The following SPRY3 variants were observed in gnomAD, a reference collection of about 807,000 sequenced individuals.
The protein encoded by SPRY3 is protein sprouty homolog 3.
A neutral mutation model predicts 20.2 loss-of-function variants in SPRY3; 15 were observed. The ratio of observed to expected loss-of-function variants is 0.74; its 90% confidence interval spans 0.50 to 1.14. The LOEUF is 1.14. Among genes scored for constraint, SPRY3 ranks in the 50% most tolerant of loss-of-function variants. The probability of loss-of-function intolerance (pLI) is 0.00; values close to 1 mark genes in which losing one functional copy is unlikely to be tolerated. For synonymous variants in SPRY3, 143 were observed against 136.5 expected, an observed-to-expected ratio of 1.05 and a Z score of -0.33; for missense variants, 364 against 363.9, an observed-to-expected ratio of 1.00 and a Z score of 0.00.
chrX:155,721,320 G>C (rs1343649164), intron 2 of SPRY3, among the ~76,000 whole-genome samples: 1 of 152,026 alleles, frequency 6.6e-6, no homozygotes, highest in Admixed American at 6.6e-5. Context: ...GCCTGAAAAA[G>C]GCAAATCTAA....
chrX:155,628,147 A>T (rs1293025947), intron 1 of SPRY3, among the ~76,000 whole-genome samples: 1 of 112,098 alleles, frequency 8.9e-6, no homozygotes. Context: ...TAACAGAATG[A>T]TTTGTATTCC....
At chrX:155,769,653 C>T (rs2091369139) in intron 3 of SPRY3, among the ~76,000 whole-genome samples, 1 of 152,174 alleles carries the variant, frequency 6.6e-6, no homozygotes, top group Admixed American at 6.5e-5. Flanking sequence ...TCATTCATCA[C>T]TAAAAGACCT....
chrX:155,767,628 A>G (rs953502799), intron 2 of SPRY3, among the ~76,000 whole-genome samples: 17 of 136,000 alleles, frequency 1.3e-4, no homozygotes, highest in Admixed American at 9.7e-4. Context: ...GAAGGAAAAT[A>G]CTGGAGGGGG....
At chrX:155,692,011 T>A (rs1281409368) in intron 2 of SPRY3, among the ~76,000 whole-genome samples, 1 of 92,478 alleles carries the variant, frequency 1.1e-5, no homozygotes, top group Admixed American at 1.2e-4. Flanking sequence ...TTTTGTACCC[T>A]TTTTGTTAAG....
intron 2 of SPRY3, among the ~76,000 whole-genome samples, chrX:155,726,814 A>G (rs938034523): frequency 6.6e-6 from 1 of 152,106 alleles, no homozygotes; most frequent in Non-Finnish European, 1.5e-5. Context: ...CATTTAGCCC[A>G]TTTACATTTA....
At position 155,687,580 on chromosome X, in the gene SPRY3, T is replaced by C. The variant is rs1217096967; in HGVS notation, c.-282+30555T>C. 1.8e-5 allele frequency among the ~76,000 whole-genome samples: 2 copies of C among 112,541 alleles called. 1 individual carries two copies. The highest frequency in any genetic ancestry group is 3.8e-5 in the Non-Finnish European group (2 of 53,292). On this transcript the variant is annotated intron_variant, in intron 2 of 3. Coordinates refer to ENST00000675360, the Ensembl canonical transcript of SPRY3. ...ATGAGCTCTATCCATTTCTCAGTTA[T>C]GCTTTCCTCAGCATTATATCCATTT...
intron 3 of SPRY3, among the ~76,000 whole-genome samples, chrX:155,771,883 G>A (rs2091383820): frequency 6.6e-6 from 1 of 152,144 alleles, no homozygotes. Context: ...AGATGTAGAA[G>A]ATACGGATGA....
chrX:155,736,752 G>T (rs1389462990), intron 2 of SPRY3, among the ~76,000 whole-genome samples: 1 of 151,750 alleles, frequency 6.6e-6, no homozygotes, highest in Middle Eastern at 3.2e-3. Context: ...AATAATTTTG[G>T]AATATTCTCA....
chrX:155,679,329 G>A (rs1230692995), intron 2 of SPRY3, among the ~76,000 whole-genome samples: 2 of 111,348 alleles, frequency 1.8e-5, no homozygotes, highest in East Asian at 5.6e-4. Context: ...TAACAGAAAT[G>A]TATTGCTCAC....
chrX:155,720,358 G>A (rs777689274), intron 2 of SPRY3, among the ~76,000 whole-genome samples: 1 of 152,146 alleles, frequency 6.6e-6, no homozygotes, highest in Non-Finnish European at 1.5e-5. Context: ...CCTCCCTGGG[G>A]CCTGGGGGAT....
At chrX:155,643,138 A>G (rs1043335657) in intron 1 of SPRY3, among the ~76,000 whole-genome samples, 4 of 111,898 alleles carry the variant, frequency 3.6e-5, no homozygotes, top group African/African-American at 1.3e-4. Context: ...TATTTTCTTT[A>G]TATATCTGGG....
chrX:155,649,622 AAAT>A (rs782026755), intron 1 of SPRY3, among the ~76,000 whole-genome samples: 13 of 111,272 alleles, frequency 1.2e-4, no homozygotes, highest in Non-Finnish European at 3.8e-5. Flanking sequence ...ACATATCTCA[AAAT>A]AATAAGACCT....
intron 2 of SPRY3, chrX:155,767,703 AGAAGAG>A (rs2091344217): frequency 1.0e-5 from 1 of 98,830 alleles, no homozygotes; most frequent in Non-Finnish European, 1.9e-5. Context: ...AGGAGGAGAA[AGAAGAG>A]GAGGAGGAGA....
chrX:155,686,221 C>CAAGTACAGG (rs2068087462), intron 2 of SPRY3, among the ~76,000 whole-genome samples: 3 of 110,707 alleles, frequency 2.7e-5, no homozygotes, highest in African/African-American at 9.9e-5. Flanking sequence ...TTTCATAATA[C>CAAGTACAGG]TTTCTTTAAA....
intron 2 of SPRY3, among the ~76,000 whole-genome samples, chrX:155,764,568 G>C (rs2091317037): frequency 6.6e-6 from 1 of 152,154 alleles, no homozygotes; most frequent in African/African-American, 2.4e-5. Context: ...TTAGTGATCA[G>C]TATGCTAGGC....
chrX:155,775,097 G>T (rs887681582), exon 4 of SPRY3: 8 of 315,460 alleles, frequency 2.5e-5, no homozygotes, highest in Non-Finnish European at 4.9e-5. Flanking sequence ...GGCTCTGATC[G>T]TCACTCTGTT....
In SPRY3 at chrX:155,755,954, T is replaced by C. The variant is rs140949857; in HGVS notation, c.-281-12008T>C. Among the ~76,000 whole-genome samples, 11 of 152,090 alleles carry C rather than the reference T, an allele frequency of 7.2e-5. No individual in the cohort carries two copies. The East Asian group carries it at 1.9e-3, about 27-fold the overall frequency. On this transcript the variant is annotated intron_variant, in intron 2 of 3. Coordinates refer to ENST00000675360, the Ensembl canonical transcript of SPRY3. ...AGTAGGTGGCTGGGGAGAGAAAGTA[T>C]AACAAGAATAAAGTTCATGAAGGTA...
downstream of SPRY3, chrX:155,777,844 T>G (rs2091439053): frequency 6.0e-6 from 1 of 166,506 alleles, no homozygotes; most frequent in African/African-American, 2.4e-5. Flanking sequence ...CTAACTCTAC[T>G]GCCTTCCACA....
At chrX:155,721,611 T>C (rs2091058594) in intron 2 of SPRY3, among the ~76,000 whole-genome samples, 1 of 152,056 alleles carries the variant, frequency 6.6e-6, no homozygotes, top group South Asian at 2.1e-4. Flanking sequence ...AGCAGACTTT[T>C]CAGTGGAAAG....
Sources: allele counts gnomAD v4.1 joint callset (sites outside exome capture counted in the v4.1 genomes callset), GRCh38; gene constraint gnomAD v4.1.1; transcripts MANE v1.5; gene names NCBI Gene and HGNC (gene_info 2026-07-23, HGNC 2026-07-21).